PTK2: variants seen among roughly 807,000 people sequenced by gnomAD.
The protein encoded by PTK2 is protein tyrosine kinase 2.
Under a neutral mutation model 150.1 loss-of-function variants are expected in PTK2, and 45 were observed. That is an observed-to-expected ratio of 0.30 (90% CI 0.24 to 0.38). The LOEUF is 0.38. PTK2 is among the 10% of genes least tolerant of loss of function. The pLI is 1.00. For missense variants in PTK2, 919 were observed against 1,307.3 expected, an observed-to-expected ratio of 0.70 and a Z score of 4.58; for synonymous variants, 432 against 449.2, an observed-to-expected ratio of 0.96 and a Z score of 0.48.
At chr8:140,734,937 T>TG (rs2100051730) in intron 22 of PTK2, 1 of 436,766 alleles carries the variant, frequency 2.3e-6, no homozygotes, top group Non-Finnish European at 4.3e-6. Context: ...GATGGAGGGT[T>TG]GTGTTAGATG....
chr8:140,709,948 T>C (rs948993287), intron 23 of PTK2, among the ~76,000 whole-genome samples: 1 of 151,940 alleles, frequency 6.6e-6, no homozygotes, highest in Admixed American at 6.6e-5. Context: ...TTCAACCAAT[T>C]GCAGATTGAA....
Position 140,803,656 on chromosome 8 carries a change from A to C in PTK2, c.868-6T>G. On this transcript the variant is annotated splice_region_variant and splice_polypyrimidine_tract_variant and intron_variant, in intron 10 of 31. Transcript: ENST00000522684. ...AAGTCAGCAAGATGTGTGGGCTATA[A>C]AAAGGAAAGGTAAAATCTTTAGACT... is the stretch of plus-strand genomic sequence containing the variant. The C allele has an allele frequency of 6.2e-7, 1 of 1,607,500 alleles. No homozygotes were observed. The highest frequency in any genetic ancestry group is 8.5e-7 in the Non-Finnish European group (1 of 1,174,016).
At chr8:140,744,803 A>AG in intron 18 of PTK2, 36 bp from the exon 22 acceptor site, 1 of 1,293,726 alleles carries the variant, frequency 7.7e-7, no homozygotes, top group African/African-American at 1.5e-5. Flanking sequence ...AAAAAAAAAA[A>AG]AAGAATTAGT....
chr8:140,753,838 G>A (rs2100064138), intron 16 of PTK2, among the ~76,000 whole-genome samples: 1 of 152,086 alleles, frequency 6.6e-6, no homozygotes, highest in African/African-American at 2.4e-5. Flanking sequence ...ATCCCCATTA[G>A]TATAGCACTG....
intron 10 of PTK2, among the ~76,000 whole-genome samples, chr8:140,813,416 T>C (rs2100102774): frequency 6.7e-6 from 1 of 149,344 alleles, no homozygotes; most frequent in Admixed American, 6.7e-5. Context: ...ACTCAGCAAA[T>C]GCAAAAGAAC....
chr8:140,748,574 T>C (rs549991318), intron 17 of PTK2, among the ~76,000 whole-genome samples: 118 of 152,200 alleles, frequency 7.8e-4, no homozygotes, highest in African/African-American at 2.6e-3. Flanking sequence ...TGCTGCCTTT[T>C]TTGGCATACT....
chr8:140,718,891 A>G (rs887848802), intron 22 of PTK2, among the ~76,000 whole-genome samples: 1 of 152,206 alleles, frequency 6.6e-6, no homozygotes, highest in African/African-American at 2.4e-5. Flanking sequence ...AAATGATCAC[A>G]TCAGGACCGG....
intron 21 of PTK2, among the ~76,000 whole-genome samples, chr8:140,736,499 T>C (rs890810719): frequency 4.7e-5 from 7 of 149,358 alleles, no homozygotes; most frequent in Non-Finnish European, 1.0e-4. Flanking sequence ...GTAACAAACC[T>C]GCACATGGAC....
chr8:140,917,403 G>A (rs530715880), intron 2 of PTK2, among the ~76,000 whole-genome samples: 19 of 151,972 alleles, frequency 1.3e-4, no homozygotes, highest in Admixed American at 1.0e-3. Flanking sequence ...TGAGAGGAGA[G>A]GAGAGGAAAA....
chr8:140,861,116 G>A (rs548398236), intron 5 of PTK2, among the ~76,000 whole-genome samples: 15 of 152,308 alleles, frequency 9.8e-5, no homozygotes, highest in African/African-American at 3.6e-4. Context: ...CAGGGCGGAA[G>A]GACTGCTTCA....
chr8:140,712,741 A>G (rs139237246), intron 23 of PTK2, among the ~76,000 whole-genome samples: 5 of 152,336 alleles, frequency 3.3e-5, no homozygotes, highest in Non-Finnish European at 5.9e-5. Context: ...ACATGTTAAT[A>G]CCATCCTGAG....
At chr8:140,864,725 C>T (rs973641520) in intron 4 of PTK2, among the ~76,000 whole-genome samples, 5 of 152,252 alleles carry the variant, frequency 3.3e-5, no homozygotes, top group South Asian at 2.1e-4. Flanking sequence ...CGACTTCCCA[C>T]GTCTAAATTT....
chr8:140,831,824 G>C (rs930430181), intron 7 of PTK2, among the ~76,000 whole-genome samples: 4 of 152,092 alleles, frequency 2.6e-5, no homozygotes, highest in Non-Finnish European at 4.4e-5. Context: ...TTGACAGTTG[G>C]ATATGAAGGG....
chr8:140,844,655 AC>A (rs1012665629), intron 7 of PTK2, among the ~76,000 whole-genome samples: 1 of 151,880 alleles, frequency 6.6e-6, no homozygotes, highest in Non-Finnish European at 1.5e-5. Flanking sequence ...TCTAGGGCTC[AC>A]CCGTGTATTA....
chr8:140,828,171 A>C (rs1456383091), intron 8 of PTK2, among the ~76,000 whole-genome samples: 1 of 151,154 alleles, frequency 6.6e-6, no homozygotes, highest in Non-Finnish European at 1.5e-5. Flanking sequence ...GTCTCAACAA[A>C]AAAAAAAAAA....
chr8:140,797,674 A>G (rs971202242), intron 12 of PTK2, among the ~76,000 whole-genome samples: 1 of 152,210 alleles, frequency 6.6e-6, no homozygotes, highest in African/African-American at 2.4e-5. Flanking sequence ...AATTGATTGT[A>G]TACTTTCTTT....
At chr8:140,996,143 T>C (rs921956182) in intron 1 of PTK2, among the ~76,000 whole-genome samples, 4 of 152,212 alleles carry the variant, frequency 2.6e-5, no homozygotes, top group East Asian at 1.9e-4. Context: ...GAGAAAGTTT[T>C]AGTGGTCCAG....
intron 8 of PTK2, among the ~76,000 whole-genome samples, chr8:140,826,854 G>A (rs183259757): frequency 2.3e-3 from 344 of 152,158 alleles, no homozygotes; most frequent in Middle Eastern, 0.01. Context: ...AGTGGCCGAG[G>A]CTGCAGTGAG....
chr8:140,823,704 C>T (rs962273349), intron 8 of PTK2, among the ~76,000 whole-genome samples: 8 of 152,330 alleles, frequency 5.3e-5, no homozygotes, highest in African/African-American at 1.9e-4. Context: ...CCAGGCACTT[C>T]TAGTTCACTA....
Sources: gnomAD v4.1 joint callset for allele counts (sites outside exome capture counted in the v4.1 genomes callset) on GRCh38, gnomAD v4.1.1 for gene constraint, MANE v1.5 for transcripts, NCBI Gene and HGNC (gene_info 2026-07-23, HGNC 2026-07-21) for gene names.